Variants in DIS3L2 observed in about 807,000 individuals in gnomAD.
DIS3L2 encodes DIS3-like exonuclease 2.
Under a neutral mutation model 97.5 loss-of-function variants are expected in DIS3L2, and 34 were observed. That is an observed-to-expected ratio of 0.35 (90% CI 0.27 to 0.46). DIS3L2 has a LOEUF of 0.46. DIS3L2 is among the 20% of genes least tolerant of loss of function. The pLI, the probability that DIS3L2 is intolerant of heterozygous loss-of-function variation, is 1.00. For synonymous variants in DIS3L2, 435 were observed against 445.2 expected (o/e 0.98, Z 0.29); for missense variants, 1,038 against 1,146.0 (o/e 0.91, Z 1.36).
At chr2:232,124,603 A>G (rs796857038) in intron 6 of DIS3L2, among the ~76,000 whole-genome samples, 9 of 152,316 alleles carry the variant, frequency 5.9e-5, no homozygotes, top group African/African-American at 2.2e-4. Flanking sequence ...GAACAGAGTG[A>G]GAAGGTTTAA....
chr2:232,208,704 C>T (rs1446216653), intron 9 of DIS3L2, among the ~76,000 whole-genome samples: 4 of 152,012 alleles, frequency 2.6e-5, no homozygotes, highest in Non-Finnish European at 4.4e-5. Context: ...TGGGGGTATA[C>T]CACAGTCTGG....
intron 5 of DIS3L2, among the ~76,000 whole-genome samples, chr2:232,049,238 ATTTC>A (rs1278099517): frequency 1.3e-5 from 2 of 152,108 alleles, no homozygotes; most frequent in African/African-American, 4.8e-5. Context: ...ATGACTTTTT[ATTTC>A]TTAAGATTGT....
chr2:232,192,112 T>C (rs1473674942), intron 9 of DIS3L2, among the ~76,000 whole-genome samples: 1 of 152,134 alleles, frequency 6.6e-6, no homozygotes, highest in African/African-American at 2.4e-5. Context: ...AGAAAACAAA[T>C]GTGTACAGAA....
intron 13 of DIS3L2, among the ~76,000 whole-genome samples, chr2:232,288,961 A>G (rs555628967): frequency 6.6e-6 from 1 of 152,338 alleles, no homozygotes; most frequent in Non-Finnish European, 1.5e-5. Context: ...GAAGGAGAGG[A>G]GTGTCAGAAA....
intron 8 of DIS3L2, among the ~76,000 whole-genome samples, chr2:232,155,373 G>A (rs547754568): frequency 7.2e-5 from 11 of 152,206 alleles, no homozygotes; most frequent in Admixed American, 2.0e-4. Context: ...AGTGCTCAGC[G>A]CCAGTCTTTG....
chr2:232,100,192 A>AT (rs10594218), intron 6 of DIS3L2, among the ~76,000 whole-genome samples: 3,039 of 112,386 alleles, frequency 0.027, 59 homozygotes, highest in Middle Eastern at 0.036. Context: ...CCCTGCTAAT[A>AT]TTTTTTTTTT....
At chr2:232,242,247 C>T (rs1693120031) in intron 11 of DIS3L2, among the ~76,000 whole-genome samples, 1 of 152,246 alleles carries the variant, frequency 6.6e-6, no homozygotes, top group African/African-American at 2.4e-5. Context: ...CTGAGTGTAC[C>T]TTGTTGTTAA....
chr2:232,086,659 ATGTG>A lies in DIS3L2; in HGVS notation c.367-812_367-809del, dbSNP rs753898708. 5.2e-4 allele frequency among the ~76,000 whole-genome samples: 48 copies of A among 92,430 alleles called. 1 individual carries two copies. The highest frequency in any genetic ancestry group is 1.1e-3 in the Admixed American group (8 of 7,452). 60.6% of individuals were successfully genotyped at this position (92,430 alleles called of 152,430 possible). A position where few individuals can be genotyped will look rare whatever the true frequency, so the allele number is the denominator to read the frequency against. ...TATATATATATGTATATATATATAT[ATGTG>A]TGTGTGTGTGTGTGTATATATATAT... On this transcript the variant is annotated intron_variant, in intron 5 of 20. Transcript: ENST00000325385.
intron 5 of DIS3L2, among the ~76,000 whole-genome samples, chr2:232,053,378 A>T (rs531219509): frequency 3.3e-5 from 5 of 152,166 alleles, no homozygotes; most frequent in African/African-American, 1.2e-4. Flanking sequence ...TTTCTATACT[A>T]CTCTCAACAC....
At chr2:232,016,463 G>A (rs1183389008) in intron 3 of DIS3L2, among the ~76,000 whole-genome samples, 1 of 152,120 alleles carries the variant, frequency 6.6e-6, no homozygotes, top group Admixed American at 6.6e-5. Context: ...GCAAAATATT[G>A]GGGGGAAATG....
At chr2:232,234,064 A>G (rs1692868638) in intron 10 of DIS3L2, among the ~76,000 whole-genome samples, 3 of 152,182 alleles carry the variant, frequency 2.0e-5, no homozygotes, top group Admixed American at 2.0e-4. Context: ...GCCCACTGAG[A>G]TGAAAAATTG....
At chr2:232,207,162 A>G (rs926673227) in intron 9 of DIS3L2, among the ~76,000 whole-genome samples, 1 of 152,200 alleles carries the variant, frequency 6.6e-6, no homozygotes, top group Non-Finnish European at 1.5e-5. Flanking sequence ...AAACATTCCT[A>G]CTACCATGTC....
At chr2:232,298,581 T>C (rs1575002647) in intron 13 of DIS3L2, among the ~76,000 whole-genome samples, 2 of 150,166 alleles carry the variant, frequency 1.3e-5, no homozygotes, top group Non-Finnish European at 2.9e-5. Context: ...CTGGGTCAGT[T>C]AGAGGACAAA....
intron 5 of DIS3L2, among the ~76,000 whole-genome samples, chr2:232,076,151 C>T (rs535928593): frequency 6.6e-6 from 1 of 152,300 alleles, no homozygotes; most frequent in Admixed American, 6.5e-5. Context: ...CTTCCTTTCT[C>T]CCTCTTGTTG....
intron 8 of DIS3L2, among the ~76,000 whole-genome samples, chr2:232,146,237 A>G (rs776777409): frequency 5.3e-5 from 8 of 152,174 alleles, no homozygotes; most frequent in Non-Finnish European, 1.0e-4. Context: ...GAATACCTCT[A>G]CAAGATCTAT....
chr2:232,168,653 G>A lies in DIS3L2; in HGVS notation c.1124+5021G>A, dbSNP rs1480416517. On this transcript the variant is annotated intron_variant, in intron 9 of 20. Coordinates refer to ENST00000325385, the MANE Select transcript of DIS3L2 (RefSeq NM_152383.5). Reference sequence around the variant, plus strand: ...TGTCATTGCCTTTGTGTTGCAGAACGCCAACTTTTTCATCTGTACACCTCA... The same window carrying A: ...TGTCATTGCCTTTGTGTTGCAGAACACCAACTTTTTCATCTGTACACCTCA... Among the ~76,000 whole-genome samples the A allele has an allele frequency of 3.9e-5, 6 of 152,160 alleles. No individual in the cohort carries two copies. The East Asian group carries it at 9.6e-4, about 24-fold the overall frequency.
intron 1 of DIS3L2, among the ~76,000 whole-genome samples, chr2:231,986,900 T>C (rs1693428407): frequency 6.6e-6 from 1 of 152,238 alleles, no homozygotes; most frequent in Non-Finnish European, 1.5e-5. Context: ...AACAAGTATT[T>C]AATTTGTTTT....
intron 14 of DIS3L2, among the ~76,000 whole-genome samples, chr2:232,327,305 G>T (rs182149102): frequency 6.6e-6 from 1 of 152,220 alleles, no homozygotes; most frequent in South Asian, 2.1e-4. Flanking sequence ...GCAAAATGCA[G>T]CCCAGGGTCG....
chr2:232,262,568 G>A lies in DIS3L2; in HGVS notation c.1426-639G>A, dbSNP rs142187512. Among the ~76,000 whole-genome samples the A allele has an allele frequency of 1.2e-4, 19 of 152,302 alleles. 1 individual carries two copies. In the East Asian group the frequency reaches 3.7e-3, roughly 29 times the overall value. On this transcript the variant is annotated intron_variant, in intron 12 of 20. Coordinates refer to ENST00000325385, the MANE Select transcript of DIS3L2 (RefSeq NM_152383.5). ...GGAGAGGTGCTCCTGACATCCAGTGGATAGAGGCCAGGGATACTGCTGAAC... is the reference window on the plus strand; with the variant it reads ...GGAGAGGTGCTCCTGACATCCAGTGAATAGAGGCCAGGGATACTGCTGAAC...
Sources: gnomAD v4.1 joint callset for allele counts (sites outside exome capture counted in the v4.1 genomes callset) on GRCh38, gnomAD v4.1.1 for gene constraint, MANE v1.5 for transcripts, NCBI Gene and HGNC (gene_info 2026-07-23, HGNC 2026-07-21) for gene names.